Variants in FGF5 observed in about 807,000 individuals in gnomAD.
FGF5 encodes the protein fibroblast growth factor 5.
In FGF5, 23 loss-of-function variants were observed where a neutral mutation model predicts 21.8. That is an observed-to-expected ratio of 1.05 (90% CI 0.76 to 1.49). The LOEUF (loss-of-function observed/expected upper bound fraction) is 1.49, where lower values mean the gene tolerates loss of function less well. Ranked by LOEUF, FGF5 falls within the 40% of genes most tolerant of loss-of-function variation. The pLI, the probability that FGF5 is intolerant of heterozygous loss-of-function variation, is 0.00. For synonymous variants in FGF5, 158 were observed against 124.0 expected, an observed-to-expected ratio of 1.27 and a Z score of -1.82; for missense variants, 352 against 332.9, an observed-to-expected ratio of 1.06 and a Z score of -0.45.
chr4:80,285,517 A>C (rs1720685862), intron 2 of FGF5, among the ~76,000 whole-genome samples: 1 of 152,124 alleles, frequency 6.6e-6, no homozygotes, highest in East Asian at 1.9e-4. Flanking sequence ...CCACCCTCTT[A>C]GATGCCCTTC....
intron 2 of FGF5, among the ~76,000 whole-genome samples, chr4:80,275,253 C>G (rs1720378952): frequency 6.6e-6 from 1 of 151,900 alleles, no homozygotes; most frequent in East Asian, 1.9e-4. Context: ...TATTTGAAAA[C>G]AGCATTCTCA....
rs534321858 is a variant in FGF5 at position 80,287,477 on chromosome 4, G to A, written c.*805G>A. ...AGGACTTTTTGATGGAATTAAATGTGGGAGGTAAGGAAAAGGATTTAGAGG... is the reference window on the plus strand; with the variant it reads ...AGGACTTTTTGATGGAATTAAATGTAGGAGGTAAGGAAAAGGATTTAGAGG... On this transcript the variant is annotated 3_prime_UTR_variant, in exon 3 of 3. Coordinates refer to ENST00000312465, the MANE Select transcript of FGF5 (RefSeq NM_004464.4). 4 of 152,226 alleles carry A rather than the reference G, an allele frequency of 2.6e-5. No homozygotes were observed. Among genetic ancestry groups the A allele is most frequent in the East Asian group, 3.9e-4 (2 of 5,184 alleles). 9.4% of individuals were successfully genotyped at this position (152,226 alleles called of 1,614,324 possible).
At chr4:80,269,459 G>A (rs1044719728) in intron 1 of FGF5, among the ~76,000 whole-genome samples, 3 of 151,940 alleles carry the variant, frequency 2.0e-5, no homozygotes, top group Non-Finnish European at 2.9e-5. Context: ...AGCAAAGGGG[G>A]GAAAATAAGA....
chr4:80,273,153 G>T (rs765348180), intron 1 of FGF5, among the ~76,000 whole-genome samples: 1 of 150,990 alleles, frequency 6.6e-6, no homozygotes, highest in Non-Finnish European at 1.5e-5. Flanking sequence ...TGAAGGAAAG[G>T]ATTTATACAG....
rs1447678600 is a variant in FGF5, at chr4:80,290,104, T to G, written c.*3432T>G. On this transcript the variant is annotated 3_prime_UTR_variant, in exon 3 of 3. Coordinates refer to ENST00000312465, the MANE Select transcript of FGF5 (RefSeq NM_004464.4). Reference sequence around the variant, plus strand: ...CTATGGCACTAACCAAAAACTTGCATTCTGGCATAATTTTTACAGTTGCAG... The same window carrying G: ...CTATGGCACTAACCAAAAACTTGCAGTCTGGCATAATTTTTACAGTTGCAG... The G allele has an allele frequency of 1.3e-5, 2 of 152,144 alleles. No homozygotes were observed. The highest frequency in any genetic ancestry group is 4.8e-5 in the African/African-American group (2 of 41,458). The allele number at this position is 152,144 out of a possible 1,614,324, so 9.4% of individuals were successfully genotyped here.
At chr4:80,267,255 G>T (rs1560496644) in intron 1 of FGF5, 76 bp downstream of exon 1, 19 of 1,205,200 alleles carry the variant, frequency 1.6e-5, no homozygotes, top group Non-Finnish European at 1.9e-5. Context: ...GGTATTCGCC[G>T]GGACACAGGC....
intron 2 of FGF5, among the ~76,000 whole-genome samples, chr4:80,276,452 C>T (rs1175559686): frequency 6.6e-6 from 1 of 151,910 alleles, no homozygotes. Context: ...TAAGGGACAA[C>T]ATTCTGCATC....
intron 2 of FGF5, among the ~76,000 whole-genome samples, chr4:80,285,670 G>C (rs1206168002): frequency 6.6e-6 from 1 of 152,162 alleles, no homozygotes; most frequent in Admixed American, 6.5e-5. Flanking sequence ...TGTAAGATCT[G>C]GCCAAAGTGT....
At chr4:80,278,874 A>G (rs1238722301) in intron 2 of FGF5, among the ~76,000 whole-genome samples, 1 of 151,092 alleles carries the variant, frequency 6.6e-6, no homozygotes, top group East Asian at 2.0e-4. Context: ...CTTTGTCCAA[A>G]TGTATCAAGA....
chr4:80,279,871 G>T (rs777015751), intron 2 of FGF5, among the ~76,000 whole-genome samples: 33 of 152,180 alleles, frequency 2.2e-4, no homozygotes, highest in Non-Finnish European at 5.9e-5. Flanking sequence ...GCTAATTGCA[G>T]ACTTTATGAA....
chr4:80,276,386 A>G (rs1028934706), intron 2 of FGF5, among the ~76,000 whole-genome samples: 5 of 152,122 alleles, frequency 3.3e-5, no homozygotes, highest in African/African-American at 1.2e-4. Flanking sequence ...ACTATACTCT[A>G]GCAAGATGTA....
chr4:80,271,999 T>C (rs1327739055), intron 1 of FGF5, among the ~76,000 whole-genome samples: 1 of 152,176 alleles, frequency 6.6e-6, no homozygotes, highest in African/African-American at 2.4e-5. Context: ...TGAGACTCAT[T>C]GAATCTGCTC....
chr4:80,276,499 A>G (rs1024392622), intron 2 of FGF5, among the ~76,000 whole-genome samples: 1 of 151,842 alleles, frequency 6.6e-6, no homozygotes, highest in Non-Finnish European at 1.5e-5. Flanking sequence ...TTTTAAATTT[A>G]TTTTTTATTT....
chr4:80,277,737 A>T (rs956377138), intron 2 of FGF5, among the ~76,000 whole-genome samples: 1 of 152,134 alleles, frequency 6.6e-6, no homozygotes, highest in Non-Finnish European at 1.5e-5. Context: ...GGAGGCATTT[A>T]AAGGGTACTT....
chr4:80,286,299 A>G (rs766726081), intron 2 of FGF5, 26 bp from the exon 3 acceptor site: 3 of 1,496,736 alleles, frequency 2.0e-6, no homozygotes, highest in Non-Finnish European at 2.7e-6. Flanking sequence ...CACAACTTAA[A>G]TTTCCTCTTT....
intron 1 of FGF5, among the ~76,000 whole-genome samples, chr4:80,274,223 A>G (rs1016022717): frequency 5.3e-5 from 8 of 152,276 alleles, no homozygotes; most frequent in African/African-American, 1.7e-4. Flanking sequence ...TTATACAACA[A>G]TGTAATAAAT....
chr4:80,280,466 A>C (rs1720521348), intron 2 of FGF5, among the ~76,000 whole-genome samples: 1 of 152,222 alleles, frequency 6.6e-6, no homozygotes, highest in African/African-American at 2.4e-5. Context: ...ACTTCAGAGC[A>C]AGTAAGATTG....
intron 2 of FGF5, among the ~76,000 whole-genome samples, chr4:80,284,453 A>AAACAAC (rs34567621): frequency 2.0e-5 from 3 of 151,824 alleles, no homozygotes; most frequent in Non-Finnish European, 1.5e-5. Context: ...AACAATAACA[A>AAACAAC]AACAACAACA....
chr4:80,268,508 C>G (rs964512285), intron 1 of FGF5: 1 of 985,952 alleles, frequency 1.0e-6, no homozygotes, highest in African/African-American at 1.7e-5. Flanking sequence ...TGGACACCAC[C>G]GGCGGTCTGA....
Sources: gnomAD v4.1 joint callset for allele counts (sites outside exome capture counted in the v4.1 genomes callset) on GRCh38, gnomAD v4.1.1 for gene constraint, MANE v1.5 for transcripts, NCBI Gene and HGNC (gene_info 2026-07-23, HGNC 2026-07-21) for gene names.